Variants in STON2 observed in about 807,000 individuals in gnomAD.
STON2 encodes the protein stonin-2.
Under a neutral mutation model 65.7 loss-of-function variants are expected in STON2, and 29 were observed. The ratio of observed to expected loss-of-function variants is 0.44; its 90% CI spans 0.33 to 0.60. The LOEUF is 0.60. Ranked by LOEUF, STON2 falls within the 20% of genes least tolerant of loss-of-function variation. The pLI is 0.03. For missense variants in STON2, 1,054 were observed against 1,118.1 expected, an observed-to-expected ratio of 0.94 and a Z score of 0.82; for synonymous variants, 404 against 414.2, an observed-to-expected ratio of 0.98 and a Z score of 0.30.
At chr14:81,375,062 C>T (rs1170224710) in intron 3 of STON2, among the ~76,000 whole-genome samples, 5 of 152,118 alleles carry the variant, frequency 3.3e-5, no homozygotes, top group Admixed American at 1.3e-4. Context: ...CCAATGTGCA[C>T]TTCAAAGTAT....
chr14:81,422,835 T>C (rs1466642600), intron 2 of STON2, among the ~76,000 whole-genome samples: 2 of 151,926 alleles, frequency 1.3e-5, no homozygotes, highest in Admixed American at 6.6e-5. Context: ...AGTTCAAGAC[T>C]AGCCTGGCCA....
In STON2 at chr14:81,357,220, T is replaced by C. The variant is rs1258444768; in HGVS notation, c.571+13768A>G. 7.3e-5 allele frequency among the ~76,000 whole-genome samples: 11 copies of C among 150,538 alleles called. No homozygotes were observed. The East Asian group carries it at 1.2e-3, about 16-fold the overall frequency. ...ATTTACAAGAAAAAAACAAACAACCTCATCAAAAAGTGGGTGAAGGACATG... is the reference window on the plus strand; with the variant it reads ...ATTTACAAGAAAAAAACAAACAACCCCATCAAAAAGTGGGTGAAGGACATG... On this transcript the variant is annotated intron_variant, in intron 4 of 7. Transcript: ENST00000614646.
chr14:81,330,465 TTATAG>T (rs1897171650), intron 4 of STON2, among the ~76,000 whole-genome samples: 1 of 152,090 alleles, frequency 6.6e-6, no homozygotes, highest in Admixed American at 6.6e-5. Context: ...GTTATTTATG[TTATAG>T]TAGTGTTTTA....
intron 4 of STON2, among the ~76,000 whole-genome samples, chr14:81,365,657 G>A (rs529263940): frequency 6.6e-6 from 1 of 152,298 alleles, no homozygotes; most frequent in South Asian, 2.1e-4. Context: ...TCAGGAGGCT[G>A]AGATGGGAGG....
intron 4 of STON2, among the ~76,000 whole-genome samples, chr14:81,369,098 G>C (rs760504012): frequency 2.7e-4 from 41 of 152,124 alleles, no homozygotes; most frequent in Non-Finnish European, 1.2e-4. Flanking sequence ...AATCTCTGCA[G>C]TGGCTCTGTC....
At position 81,289,238 on chromosome 14, in the gene STON2, C is replaced by T. The variant is rs144996043; in HGVS notation, c.743-10499G>A. ...TGATGTTACATTTGGTCAGAGATAC[C>T]CATTTCTAACAGCCACATCACCCTT... On this transcript the variant is annotated intron_variant, in intron 5 of 7. Transcript: ENST00000614646. Among the ~76,000 whole-genome samples the T allele has an allele frequency of 6.4e-3, 972 of 152,182 alleles. 9 individuals are homozygous for T. Among genetic ancestry groups the T allele is most frequent in the Middle Eastern group, 0.037 (11 of 294 alleles).
At chr14:81,279,416 C>T (rs1481758256) in intron 5 of STON2, among the ~76,000 whole-genome samples, 1 of 152,102 alleles carries the variant, frequency 6.6e-6, no homozygotes, top group Admixed American at 6.6e-5. Flanking sequence ...AATGGCCGGG[C>T]ACAGTGGCTC....
chr14:81,352,816 GT>G (rs11323602), intron 4 of STON2, among the ~76,000 whole-genome samples: 4,619 of 152,200 alleles, frequency 0.03, 246 homozygotes, highest in African/African-American at 0.1. Flanking sequence ...GAGACCACAA[GT>G]TTTTTATTAA....
At chr14:81,363,755 T>A (rs1473767673) in intron 4 of STON2, among the ~76,000 whole-genome samples, 5 of 152,216 alleles carry the variant, frequency 3.3e-5, no homozygotes, top group Non-Finnish European at 7.4e-5. Flanking sequence ...GTTTCTGTTA[T>A]CCAAGCAAAA....
intron 4 of STON2, among the ~76,000 whole-genome samples, chr14:81,357,693 G>C (rs1470203136): frequency 6.6e-6 from 1 of 152,138 alleles, no homozygotes; most frequent in Non-Finnish European, 1.5e-5. Flanking sequence ...ATACACCATG[G>C]AATACTACGC....
At chr14:81,319,672 C>A (rs534980007) in intron 5 of STON2, among the ~76,000 whole-genome samples, 1 of 152,158 alleles carries the variant, frequency 6.6e-6, no homozygotes, top group Non-Finnish European at 1.5e-5. Flanking sequence ...GGGTTTTAAT[C>A]CTGGTCAATT....
chr14:81,279,152 C>A (rs1217401878), intron 5 of STON2, among the ~76,000 whole-genome samples: 7 of 151,964 alleles, frequency 4.6e-5, no homozygotes, highest in African/African-American at 1.7e-4. Context: ...TGAAAAAAAC[C>A]AAGTTATCGT....
chr14:81,296,293 AAC>A lies in STON2; in HGVS notation c.743-17556_743-17555del, dbSNP rs199753589. On this transcript the variant is annotated intron_variant, in intron 5 of 7. Transcript: ENST00000614646. ...TGAGAAAATGTGGTGCTAGATAGAG[AAC>A]GATCAATGCTGATGATTTGTTTTAT... Among the ~76,000 whole-genome samples the A allele has an allele frequency of 8.8e-3, 1,339 of 152,342 alleles. 15 individuals carry two copies. Among genetic ancestry groups the A allele is most frequent in the African/African-American group, 0.031 (1,278 of 41,574 alleles).
chr14:81,375,258 T>C (rs902446936), intron 3 of STON2, among the ~76,000 whole-genome samples: 1 of 151,892 alleles, frequency 6.6e-6, no homozygotes, highest in Non-Finnish European at 1.5e-5. Flanking sequence ...AAAATAAACA[T>C]AAATGGACTA....
chr14:81,419,097 A>G (rs1901579590), intron 2 of STON2, among the ~76,000 whole-genome samples: 1 of 152,198 alleles, frequency 6.6e-6, no homozygotes. Context: ...ACTAGGATTA[A>G]CACTCTTTAT....
At chr14:81,303,805 A>G (rs1172095501) in intron 5 of STON2, among the ~76,000 whole-genome samples, 1 of 152,222 alleles carries the variant, frequency 6.6e-6, no homozygotes, top group Non-Finnish European at 1.5e-5. Flanking sequence ...TCAAATATCA[A>G]CCAGGTTTCG....
chr14:81,284,860 A>G (rs1310916337), intron 5 of STON2, among the ~76,000 whole-genome samples: 1 of 152,236 alleles, frequency 6.6e-6, no homozygotes, highest in Non-Finnish European at 1.5e-5. Flanking sequence ...AAAAAATCTT[A>G]GCACCCTTAA....
At chr14:81,317,913 C>A (rs892772188) in intron 5 of STON2, among the ~76,000 whole-genome samples, 3 of 151,964 alleles carry the variant, frequency 2.0e-5, no homozygotes, top group Admixed American at 6.6e-5. Flanking sequence ...CTGCAGCTAT[C>A]AAGTTTGAGA....
intron 4 of STON2, among the ~76,000 whole-genome samples, chr14:81,369,176 G>A (rs1367596220): frequency 6.6e-6 from 1 of 152,092 alleles, no homozygotes; most frequent in Non-Finnish European, 1.5e-5. Flanking sequence ...TTTCTCTGTA[G>A]GTGGTCCCTT....
Sources: allele counts gnomAD v4.1 joint callset (sites outside exome capture counted in the v4.1 genomes callset), GRCh38; gene constraint gnomAD v4.1.1; transcripts MANE v1.5; gene names NCBI Gene and HGNC (gene_info 2026-07-23, HGNC 2026-07-21).